Variants in TET2 observed in about 807,000 individuals in gnomAD.
The protein encoded by TET2 is methylcytosine dioxygenase TET2.
Under a neutral mutation model 142.9 loss-of-function variants are expected in TET2, and 299 were observed. The observed-to-expected ratio is 2.09, with a 90% CI of 1.90 to 2.30. The LOEUF (loss-of-function observed/expected upper bound fraction) is 2.30, where lower values mean the gene tolerates loss of function less well. Among genes scored for constraint, TET2 ranks in the 30% most tolerant of loss-of-function variants. The pLI is 0.00. For missense variants in TET2, 2,418 were observed against 2,378.0 expected (o/e 1.02, Z -0.35); for synonymous variants, 819 against 849.0 (o/e 0.96, Z 0.61).
intron 2 of TET2, among the ~76,000 whole-genome samples, chr4:105,229,153 C>G (rs80320565): frequency 0.01 from 1,564 of 152,114 alleles, 13 homozygotes; most frequent in Non-Finnish European, 0.016. Flanking sequence ...TTCATAGATA[C>G]CACATCTCAA....
At chr4:105,237,469 G>T (rs776601482) in intron 3 of TET2, 118 bp downstream of exon 3, 4 of 1,610,506 alleles carry the variant, frequency 2.5e-6, no homozygotes, top group Non-Finnish European at 3.4e-6. Context: ...ATTTGTAAAG[G>T]CTCATAAAAA....
chr4:105,237,173 C>T lies in TET2; in HGVS notation c.3231C>T (p.His1077=), dbSNP rs748246096. 1.2e-6 allele frequency: 2 copies of T among 1,614,160 alleles called. No individual in the cohort carries two copies. Among genetic ancestry groups the T allele is most frequent in the Non-Finnish European group, 1.7e-6 (2 of 1,180,028 alleles). ...CCACTGCTGCAGAACTTGATAGCCA[C>T]ACCCCAGCTTTAGAGCAGCAAACAA... The part of the protein sequence containing the change: ...RQTTAAELDS[H]TPALEQQTTS... The change falls in exon 3 of 11, where the codon CAC becomes CAT. Residue 1077 remains histidine (H), a synonymous_variant. Transcript: ENST00000380013.
rs897547172 is a variant in TET2 at position 105,275,389 on chromosome 4, C to T, written c.4879C>T (p.Gln1627Ter). The T allele has an allele frequency of 1.3e-6, 2 of 1,551,608 alleles. No individual in the cohort carries two copies. Among genetic ancestry groups the T allele is most frequent in the Non-Finnish European group, 8.7e-7 (1 of 1,146,972 alleles). The change falls in exon 11 of 11, where the codon CAA becomes TAA. Residue 1627 changes from glutamine to a stop codon, truncating the protein, a stop_gained. Coordinates refer to ENST00000380013, the MANE Select transcript of TET2 (RefSeq NM_001127208.3). LOFTEE classifies it low-confidence loss of function (END_TRUNC). ...CCCTGGGCTTTTGAATCAGAATACC[C>T]AATATCCATCATATCAATGCAATGG... ...PYPGLLNQNT[Q>*]YPSYQCNGNL...
chr4:105,264,843 C>T (rs562985857), intron 8 of TET2, among the ~76,000 whole-genome samples: 2 of 152,198 alleles, frequency 1.3e-5, no homozygotes, highest in Non-Finnish European at 2.9e-5. Context: ...TGATCTTTAC[C>T]TCCTTTCCCC....
At chr4:105,175,301 A>G (rs1419005568) in intron 1 of TET2, among the ~76,000 whole-genome samples, 2 of 152,156 alleles carry the variant, frequency 1.3e-5, no homozygotes, top group Admixed American at 6.5e-5. Flanking sequence ...ATAAAAAACT[A>G]TGGTTAATAT....
At chr4:105,255,347 C>G (rs1730069782) in intron 6 of TET2, among the ~76,000 whole-genome samples, 1 of 152,144 alleles carries the variant, frequency 6.6e-6, no homozygotes, top group Non-Finnish European at 1.5e-5. Flanking sequence ...AGAAAACACA[C>G]TTTGCACAAT....
At chr4:105,231,665 T>G (rs528058784) in intron 2 of TET2, among the ~76,000 whole-genome samples, 6 of 152,332 alleles carry the variant, frequency 3.9e-5, no homozygotes, top group African/African-American at 1.4e-4. Context: ...TTTTTCTTGT[T>G]TATCAAGAAA....
intron 2 of TET2, among the ~76,000 whole-genome samples, chr4:105,225,430 G>C (rs968355085): frequency 6.6e-6 from 1 of 152,014 alleles, no homozygotes; most frequent in Non-Finnish European, 1.5e-5. Flanking sequence ...TTTCTCCTTA[G>C]GTCACTGGTT....
chr4:105,150,941 T>C (rs1286511806), intron 1 of TET2, among the ~76,000 whole-genome samples: 4 of 152,254 alleles, frequency 2.6e-5, no homozygotes, highest in South Asian at 2.1e-4. Flanking sequence ...TTTTGTCCTA[T>C]ATTGTACATT....
At chr4:105,193,249 G>C (rs964950350) in intron 2 of TET2, among the ~76,000 whole-genome samples, 2 of 152,106 alleles carry the variant, frequency 1.3e-5, no homozygotes, top group African/African-American at 4.8e-5. Flanking sequence ...ATGAAATGGA[G>C]TGAAATAAGA....
At chr4:105,261,930 A>G (rs1578720219) in intron 8 of TET2, 82 bp downstream of exon 8, 2 of 820,848 alleles carry the variant, frequency 2.4e-6, no homozygotes, top group East Asian at 2.7e-5. Flanking sequence ...TTTTGAAACA[A>G]TGATTTTTAA....
At chr4:105,195,198 C>A (rs550720833) in intron 2 of TET2, among the ~76,000 whole-genome samples, 2 of 152,246 alleles carry the variant, frequency 1.3e-5, no homozygotes, top group South Asian at 4.1e-4. Context: ...GGTGAAATAT[C>A]AGCTGCCTCT....
intron 1 of TET2, among the ~76,000 whole-genome samples, chr4:105,188,202 T>A (rs1198110956): frequency 6.6e-6 from 1 of 152,156 alleles, no homozygotes; most frequent in African/African-American, 2.4e-5. Flanking sequence ...AGGAAGAAAA[T>A]TCTGACACAT....
At chr4:105,263,747 A>G (rs1730555285) in intron 8 of TET2, among the ~76,000 whole-genome samples, 1 of 152,180 alleles carries the variant, frequency 6.6e-6, no homozygotes, top group Admixed American at 6.6e-5. Context: ...GAGATTATAA[A>G]GAGGACAAAG....
At chr4:105,149,021 C>T (rs1039089969) in intron 1 of TET2, among the ~76,000 whole-genome samples, 20 of 152,048 alleles carry the variant, frequency 1.3e-4, no homozygotes, top group African/African-American at 3.9e-4. Flanking sequence ...GGAATAGAAA[C>T]GGTTCATTGG....
In TET2 at chr4:105,235,127, T is replaced by TACC. The variant is rs1197325335; in HGVS notation, c.1188_1190dup (p.Thr397dup). 13 of 1,613,686 alleles carry TACC rather than the reference T, an allele frequency of 8.1e-6. No individual in the cohort carries two copies. The highest frequency in any genetic ancestry group is 1.1e-5 in the Non-Finnish European group (13 of 1,179,882). Reference sequence around the variant, plus strand: ...TCACTAAGGATTCCTTTTCTGCCACTACCACACCACCACCACCATCACAAT... The same window carrying TACC: ...TCACTAAGGATTCCTTTTCTGCCACTACCACCACACCACCACCACCATCACAAT... On this transcript the variant is annotated inframe_insertion, in exon 3 of 11. Coordinates refer to ENST00000380013, the MANE Select transcript of TET2 (RefSeq NM_001127208.3).
intron 1 of TET2, among the ~76,000 whole-genome samples, chr4:105,160,572 A>G (rs1041002728): frequency 6.6e-6 from 1 of 152,256 alleles, no homozygotes; most frequent in Non-Finnish European, 1.5e-5. Context: ...TGAAATTTAT[A>G]GTAATTGAAA....
In TET2 at chr4:105,234,578, A is replaced by C. The variant is rs369549432; in HGVS notation, c.636A>C (p.Thr212=). ...CAGTGCTAATGCCTAATGGTGCTAC[A>C]GTTTCTGCCTCTTCCGTGGAACACA... ...NKAVLMPNGA[T]VSASSVEHTH... Residue 212 remains threonine (T), a synonymous_variant, in exon 3 of 11, where the codon ACA becomes ACC. Transcript: ENST00000380013. 3.1e-6 allele frequency: 5 copies of C among 1,614,054 alleles called. No individual in the cohort carries two copies. The highest frequency in any genetic ancestry group is 4.2e-6 in the Non-Finnish European group (5 of 1,180,034).
intron 3 of TET2, chr4:105,240,242 G>A (rs1243888656): frequency 8.1e-6 from 5 of 614,142 alleles, no homozygotes; most frequent in African/African-American, 7.8e-5. Flanking sequence ...ACGTGGGATT[G>A]CCACAAACCT....
Sources: allele counts gnomAD v4.1 joint callset (sites outside exome capture counted in the v4.1 genomes callset), GRCh38; gene constraint gnomAD v4.1.1; transcripts MANE v1.5; gene names NCBI Gene and HGNC (gene_info 2026-07-23, HGNC 2026-07-21).